CDKL1: variants seen among roughly 807,000 people sequenced by gnomAD.
The protein encoded by CDKL1 is cyclin dependent kinase like 1.
CDKL1 carries 41 observed loss-of-function variants against 42.0 expected under a neutral mutation model. That is an observed-to-expected ratio of 0.98 (90% confidence interval 0.76 to 1.27). The LOEUF (loss-of-function observed/expected upper bound fraction) is 1.27, where lower values mean the gene tolerates loss of function less well. Ranked by LOEUF, CDKL1 falls within the 50% of genes most tolerant of loss-of-function variation. The pLI is 0.00. For synonymous variants in CDKL1, 153 were observed against 158.6 expected (o/e 0.96, Z 0.26); for missense variants, 394 against 428.4 (o/e 0.92, Z 0.71).
chr14:50,356,106 C>A (rs1427425368), intron 3 of CDKL1, among the ~76,000 whole-genome samples: 1 of 152,116 alleles, frequency 6.6e-6, no homozygotes, highest in Non-Finnish European at 1.5e-5. Flanking sequence ...CCTAAGGGGA[C>A]CCCACCTGGC....
intron 2 of CDKL1, among the ~76,000 whole-genome samples, chr14:50,362,659 A>T (rs1243354072): frequency 6.6e-6 from 1 of 152,116 alleles, no homozygotes; most frequent in Non-Finnish European, 1.5e-5. Flanking sequence ...GGACTTAGAG[A>T]ACATTTGTGT....
intron 2 of CDKL1, among the ~76,000 whole-genome samples, chr14:50,364,143 C>A (rs529301511): frequency 6.6e-6 from 1 of 152,254 alleles, no homozygotes; most frequent in South Asian, 2.1e-4. Flanking sequence ...TATATTGCAC[C>A]CACCTTGCTA....
chr14:50,376,370 A>C, intron 2 of CDKL1: 1 of 471,370 alleles, frequency 2.1e-6, no homozygotes, highest in South Asian at 1.6e-5. Context: ...ACTTTCCATA[A>C]ATAAAAGCAT....
chr14:50,382,831 G>A (rs1030617578), intron 2 of CDKL1, among the ~76,000 whole-genome samples: 1 of 152,058 alleles, frequency 6.6e-6, no homozygotes, highest in Non-Finnish European at 1.5e-5. Flanking sequence ...GAGCTCAAGC[G>A]ATTTGCCTGC....
At chr14:50,365,146 G>A (rs992830481) in intron 2 of CDKL1, among the ~76,000 whole-genome samples, 1 of 152,134 alleles carries the variant, frequency 6.6e-6, no homozygotes, top group Admixed American at 6.5e-5. Flanking sequence ...ACTAGATAGA[G>A]TCAAATTGCT....
At chr14:50,388,813 T>C (rs1031255454) in intron 2 of CDKL1, among the ~76,000 whole-genome samples, 1 of 152,038 alleles carries the variant, frequency 6.6e-6, no homozygotes, top group Non-Finnish European at 1.5e-5. Flanking sequence ...AAACTGAAGT[T>C]CCATAGCTGG....
intron 2 of CDKL1, among the ~76,000 whole-genome samples, chr14:50,379,658 A>T (rs569031986): frequency 6.6e-6 from 1 of 152,296 alleles, no homozygotes; most frequent in Non-Finnish European, 1.5e-5. Context: ...GTGAGATAGA[A>T]GGACAGCTGG....
rs1279357398 is a variant in CDKL1, at chr14:50,346,658, T to TGG, written c.291-1601_291-1600insCC. Among the ~76,000 whole-genome samples, 52 of 90,412 alleles carry TGG rather than the reference T, an allele frequency of 5.8e-4. 2 individuals carry two copies. The highest frequency in any genetic ancestry group is 2.7e-3 in the Admixed American group (28 of 10,346). 59.3% of individuals were successfully genotyped at this position (90,412 alleles called of 152,430 possible). ...TCAATAAATTAAATTTTTGGTTTTT[T>TGG]TTTTTTTTTTGAGATGGAGTCTTGC... On this transcript the variant is annotated intron_variant, in intron 3 of 9. Transcript: ENST00000395834.
chr14:50,326,703 A>G lies in CDKL1; in HGVS notation c.*3371T>C. On this transcript the variant is annotated 3_prime_UTR_variant, in exon 10 of 10. Transcript: ENST00000395834. Reference sequence around the variant, plus strand: ...TGCAGATTGCAATATAATAAAGGAAACAGTAAAAACTAGTGGGCTATGCTT... The same window carrying G: ...TGCAGATTGCAATATAATAAAGGAAGCAGTAAAAACTAGTGGGCTATGCTT... 3.0e-6 allele frequency: 3 copies of G among 985,452 alleles called. No individual in the cohort carries two copies. The highest frequency in any genetic ancestry group is 3.6e-6 in the Non-Finnish European group (3 of 829,936). The allele number at this position is 985,452 out of a possible 1,614,324, so 61.0% of individuals were successfully genotyped here.
intron 2 of CDKL1, chr14:50,378,144 G>A (rs2034787880): frequency 7.3e-7 from 1 of 1,363,376 alleles, no homozygotes; most frequent in Non-Finnish European, 9.8e-7. Flanking sequence ...AAGCAACTCA[G>A]TTCCATTGCT....
intron 6 of CDKL1, among the ~76,000 whole-genome samples, chr14:50,340,640 C>G (rs2033480998): frequency 6.6e-6 from 1 of 152,180 alleles, no homozygotes. Context: ...CCAAACTAGT[C>G]AGGCAGGCTG....
At chr14:50,385,922 C>G (rs2035069806) in intron 2 of CDKL1, among the ~76,000 whole-genome samples, 1 of 151,126 alleles carries the variant, frequency 6.6e-6, no homozygotes, top group South Asian at 2.1e-4. Flanking sequence ...GTTCTATAAC[C>G]ATTATTAGAA....
At chr14:50,350,406 T>C (rs2139424551) in intron 3 of CDKL1, among the ~76,000 whole-genome samples, 1 of 152,322 alleles carries the variant, frequency 6.6e-6, no homozygotes, top group South Asian at 2.1e-4. Flanking sequence ...TAATAGCTCT[T>C]CTAGCTCAAA....
chr14:50,339,536 G>C (rs2033435662), intron 6 of CDKL1, among the ~76,000 whole-genome samples: 1 of 145,760 alleles, frequency 6.9e-6, no homozygotes, highest in Non-Finnish European at 1.5e-5. Flanking sequence ...GAGGGAGGGA[G>C]GGAGGGGAGG....
chr14:50,342,325 C>A lies in CDKL1; in HGVS notation c.364-103G>T, dbSNP rs191084051. On this transcript the variant is annotated intron_variant, in intron 4 of 9. Coordinates refer to ENST00000395834, the MANE Select transcript of CDKL1 (RefSeq NM_004196.7). ...CAAATATTGGATAAATCATTTAAAT[C>A]TCTCCTTGGCCTGTTGGACAACAGC... 7.1e-4 allele frequency: 1,046 copies of A among 1,465,864 alleles called. 11 individuals are homozygous for A. In the African/African-American group the frequency reaches 0.011, roughly 16 times the overall value. The allele number at this position is 1,465,864 out of a possible 1,614,324, so 90.8% of individuals were successfully genotyped here. A position where few individuals can be genotyped will look rare whatever the true frequency, so the allele number is the denominator to read the frequency against.
intron 2 of CDKL1, among the ~76,000 whole-genome samples, chr14:50,360,363 TC>T (rs113349971): frequency 0.026 from 3,967 of 152,164 alleles, 188 homozygotes; most frequent in African/African-American, 0.09. Flanking sequence ...CCCCAATCCT[TC>T]CTCCCCCCAG....
chr14:50,389,167 C>T (rs1420931843), intron 2 of CDKL1, among the ~76,000 whole-genome samples: 1 of 151,550 alleles, frequency 6.6e-6, no homozygotes, highest in Non-Finnish European at 1.5e-5. Flanking sequence ...AGCTCCTGTC[C>T]CCATGCCCCT....
intron 2 of CDKL1, chr14:50,376,245 A>G (rs939636394): frequency 5.3e-6 from 2 of 380,538 alleles, no homozygotes; most frequent in East Asian, 7.2e-5. Flanking sequence ...AGCAGGGTAT[A>G]TGGGAACTCT....
intron 2 of CDKL1, among the ~76,000 whole-genome samples, chr14:50,386,045 CAGG>C (rs1049798351): frequency 2.6e-5 from 4 of 151,604 alleles, no homozygotes; most frequent in African/African-American, 7.3e-5. Flanking sequence ...ATCTTTGTTT[CAGG>C]AGATTATGCT....
Sources: allele counts gnomAD v4.1 joint callset (sites outside exome capture counted in the v4.1 genomes callset), GRCh38; gene constraint gnomAD v4.1.1; transcripts MANE v1.5; gene names NCBI Gene and HGNC (gene_info 2026-07-23, HGNC 2026-07-21).